The following UBE2E2 variants were observed in gnomAD, a reference collection of about 807,000 sequenced individuals.
UBE2E2 encodes the protein ubiquitin conjugating enzyme E2 E2, also known as ubiquitin-conjugating enzyme E2 E2.
Under a neutral mutation model 24.7 loss-of-function variants are expected in UBE2E2, and 6 were observed. The ratio of observed to expected loss-of-function variants is 0.24; its 90% confidence interval spans 0.13 to 0.48. The LOEUF (loss-of-function observed/expected upper bound fraction) is 0.48. Ranked by LOEUF, UBE2E2 falls within the 20% of genes least tolerant of loss-of-function variation. The pLI is 0.99. For synonymous variants in UBE2E2, 104 were observed against 83.6 expected (o/e 1.24, Z -1.33); for missense variants, 169 against 245.0 (o/e 0.69, Z 2.07).
At chr3:23,251,465 T>A (rs1575504424) in intron 3 of UBE2E2, among the ~76,000 whole-genome samples, 2 of 152,338 alleles carry the variant, frequency 1.3e-5, no homozygotes, top group Admixed American at 6.5e-5. Context: ...AATTTCTCAG[T>A]TGTCAGAAAG....
chr3:23,215,565 TC>T (rs1246902096), intron 2 of UBE2E2, among the ~76,000 whole-genome samples: 2 of 152,124 alleles, frequency 1.3e-5, no homozygotes, highest in Non-Finnish European at 2.9e-5. Context: ...TCTGATTACT[TC>T]CCCCTATGCC....
At chr3:23,267,123 C>G (rs560002301) in intron 3 of UBE2E2, among the ~76,000 whole-genome samples, 2 of 151,344 alleles carry the variant, frequency 1.3e-5, no homozygotes, top group Non-Finnish European at 2.9e-5. Flanking sequence ...AAATTGACAC[C>G]CTAACGTCAC....
chr3:23,349,887 C>T (rs1695683224), intron 3 of UBE2E2, among the ~76,000 whole-genome samples: 1 of 152,222 alleles, frequency 6.6e-6, no homozygotes. Context: ...AGCAGTGGTT[C>T]TCCCAGCAGG....
chr3:23,334,218 A>AT (rs1056863668), intron 3 of UBE2E2, among the ~76,000 whole-genome samples: 43 of 152,062 alleles, frequency 2.8e-4, no homozygotes, highest in African/African-American at 9.2e-4. Context: ...GTCTGTACTG[A>AT]TTTTTCTTTT....
At chr3:23,341,007 C>T (rs912233114) in intron 3 of UBE2E2, among the ~76,000 whole-genome samples, 2 of 152,120 alleles carry the variant, frequency 1.3e-5, no homozygotes, top group Non-Finnish European at 2.9e-5. Flanking sequence ...GTGAGTACAT[C>T]AAATGATCTT....
chr3:23,253,880 T>C (rs1231191470), intron 3 of UBE2E2, among the ~76,000 whole-genome samples: 1 of 152,192 alleles, frequency 6.6e-6, no homozygotes, highest in African/African-American at 2.4e-5. Context: ...AAAAGATAAT[T>C]TATAATCCTT....
In UBE2E2 at chr3:23,583,046, G is replaced by T. The variant is rs62256984; in HGVS notation, c.509-6688G>T. On this transcript the variant is annotated intron_variant, in intron 5 of 5. Transcript: ENST00000396703. This position sits in a 1 kb window ranked among gnomAD's most constrained non-coding sequence, Gnocchi z 4.1. ...GGTATTTCCTAAGTTGTCTTCCAGG[G>T]TTTTCATAGTTTTAGGTTTTACATT... Among the ~76,000 whole-genome samples, 962 of 152,160 alleles carry T rather than the reference G, an allele frequency of 6.3e-3. 4 individuals carry two copies. Among genetic ancestry groups the T allele is most frequent in the Non-Finnish European group, 0.01 (683 of 68,012 alleles).
intron 4 of UBE2E2, among the ~76,000 whole-genome samples, chr3:23,504,923 T>TTTTTTTTTTTTTTTTTTTTA (rs1343750451): frequency 6.9e-6 from 1 of 145,282 alleles, no homozygotes; most frequent in African/African-American, 2.6e-5. Context: ...TTTTTTTTTT[T>TTTTTTTTTTTTTTTTTTTTA]TTTGAGACAG....
chr3:23,451,911 A>T (rs930148485), intron 3 of UBE2E2, among the ~76,000 whole-genome samples: 1 of 152,198 alleles, frequency 6.6e-6, no homozygotes, highest in African/African-American at 2.4e-5. Flanking sequence ...TCATAAAGAT[A>T]AATTTTTATC....
intron 4 of UBE2E2, among the ~76,000 whole-genome samples, chr3:23,522,486 A>G (rs2125476322): frequency 6.6e-6 from 1 of 152,224 alleles, no homozygotes; most frequent in South Asian, 2.1e-4. Context: ...TGCTTTTTTG[A>G]GTAAATTTTT....
chr3:23,517,439 C>T (rs1443324595), intron 4 of UBE2E2, among the ~76,000 whole-genome samples: 2 of 152,162 alleles, frequency 1.3e-5, no homozygotes, highest in Admixed American at 1.3e-4. Flanking sequence ...AAAGAAGGCA[C>T]TGTAAACCTA....
intron 3 of UBE2E2, among the ~76,000 whole-genome samples, chr3:23,378,117 A>G (rs980528565): frequency 6.6e-6 from 1 of 152,016 alleles, no homozygotes; most frequent in Non-Finnish European, 1.5e-5. Flanking sequence ...AGGAAACCAC[A>G]GAAGTTTCTT....
At chr3:23,214,921 A>C (rs1057167273) in intron 2 of UBE2E2, among the ~76,000 whole-genome samples, 4 of 152,008 alleles carry the variant, frequency 2.6e-5, no homozygotes, top group African/African-American at 9.7e-5. Context: ...AACTCTTAAT[A>C]ATACACTTAT....
intron 5 of UBE2E2, among the ~76,000 whole-genome samples, chr3:23,541,583 A>G (rs1244814527): frequency 6.6e-6 from 1 of 152,196 alleles, no homozygotes; most frequent in Non-Finnish European, 1.5e-5. Flanking sequence ...ACAAATCAGA[A>G]TATTTTACAT....
chr3:23,414,465 A>G (rs1020525750), intron 3 of UBE2E2, among the ~76,000 whole-genome samples: 4 of 152,098 alleles, frequency 2.6e-5, no homozygotes, highest in African/African-American at 9.7e-5. Context: ...TGAAGGATCC[A>G]CCTCCACAAT....
At chr3:23,522,250 C>T (rs960284213) in intron 4 of UBE2E2, among the ~76,000 whole-genome samples, 5 of 151,680 alleles carry the variant, frequency 3.3e-5, no homozygotes, top group Non-Finnish European at 5.9e-5. Context: ...CCTGCCTCAG[C>T]CTCCGGAGTA....
At chr3:23,350,347 A>G (rs958282710) in intron 3 of UBE2E2, among the ~76,000 whole-genome samples, 1 of 152,232 alleles carries the variant, frequency 6.6e-6, no homozygotes, top group Non-Finnish European at 1.5e-5. Flanking sequence ...CTCCAAAGGA[A>G]CGCAGTTCCT....
intron 3 of UBE2E2, among the ~76,000 whole-genome samples, chr3:23,222,216 G>A (rs1696667956): frequency 6.6e-6 from 1 of 152,114 alleles, no homozygotes; most frequent in Non-Finnish European, 1.5e-5. Flanking sequence ...TCCATTGTGT[G>A]TATATACCAC....
chr3:23,380,581 A>G (rs1033800128), intron 3 of UBE2E2, among the ~76,000 whole-genome samples: 27 of 152,278 alleles, frequency 1.8e-4, no homozygotes, highest in African/African-American at 6.5e-4. Flanking sequence ...TATTTAATGC[A>G]TAGGCCCTAC....
Sources: allele counts gnomAD v4.1 joint callset (sites outside exome capture counted in the v4.1 genomes callset), GRCh38; gene constraint gnomAD v4.1.1; non-coding constraint Gnocchi (gnomAD v3.1); transcripts MANE v1.5; gene names NCBI Gene and HGNC (gene_info 2026-07-23, HGNC 2026-07-21).